The following ATP8A1 variants were observed in gnomAD, a reference collection of about 807,000 sequenced individuals.
ATP8A1 encodes phospholipid-transporting ATPase IA.
A neutral mutation model predicts 177.7 loss-of-function variants in ATP8A1; 90 were observed. That is an observed-to-expected ratio of 0.51 (90% CI 0.43 to 0.60). The LOEUF is 0.60. Among genes scored for constraint, ATP8A1 ranks in the 20% least tolerant of loss-of-function variants. The probability of loss-of-function intolerance (pLI) is 0.00; values close to 1 mark genes in which losing one functional copy is unlikely to be tolerated. For missense variants in ATP8A1, 1,072 were observed against 1,392.8 expected, an observed-to-expected ratio of 0.77 and a Z score of 3.67; for synonymous variants, 493 against 485.9, an observed-to-expected ratio of 1.01 and a Z score of -0.19.
In ATP8A1 at chr4:42,656,976, G is replaced by C. The variant is rs1230144108; in HGVS notation, c.-103C>G. The C allele has an allele frequency of 1.7e-6, 2 of 1,204,624 alleles. No individual in the cohort carries two copies. The highest frequency in any genetic ancestry group is 1.6e-5 in the African/African-American group (1 of 63,388). The allele number at this position is 1,204,624 out of a possible 1,614,324, so 74.6% of individuals were successfully genotyped here. ...GCGCCGCGCAGAGCGCTCAGCTGCA[G>C]CCTGGGCCGCGCCGCCGCCCACCTA... On this transcript the variant is annotated 5_prime_UTR_variant, in exon 1 of 37. Coordinates refer to ENST00000381668, the MANE Select transcript of ATP8A1 (RefSeq NM_006095.2).
chr4:42,442,997 C>T (rs149460693), intron 33 of ATP8A1, among the ~76,000 whole-genome samples: 120 of 152,276 alleles, frequency 7.9e-4, no homozygotes, highest in African/African-American at 2.7e-3. Flanking sequence ...CACCTAATAA[C>T]TCAATTCCTA....
intron 23 of ATP8A1, among the ~76,000 whole-genome samples, chr4:42,504,292 C>T (rs1724143444): frequency 6.6e-6 from 1 of 152,180 alleles, no homozygotes; most frequent in Non-Finnish European, 1.5e-5. Flanking sequence ...CAGACACTTA[C>T]ATAGGAAGTA....
intron 5 of ATP8A1, among the ~76,000 whole-genome samples, chr4:42,606,408 T>G (rs887869617): frequency 8.5e-5 from 13 of 152,188 alleles, no homozygotes; most frequent in African/African-American, 3.1e-4. Flanking sequence ...AAGTTTCCAG[T>G]GGCGTCTTTT....
chr4:42,636,753 TC>T (rs1739435762), intron 1 of ATP8A1, among the ~76,000 whole-genome samples: 1 of 152,046 alleles, frequency 6.6e-6, no homozygotes, highest in African/African-American at 2.4e-5. Flanking sequence ...GGAGAACCCC[TC>T]CCCCAGAGTC....
chr4:42,497,823 T>A (rs1431440634), intron 24 of ATP8A1, among the ~76,000 whole-genome samples: 2 of 152,196 alleles, frequency 1.3e-5, no homozygotes, highest in Non-Finnish European at 2.9e-5. Context: ...TACTAACCCA[T>A]TTATTTCAAA....
chr4:42,464,273 T>C (rs1259888400), intron 27 of ATP8A1, among the ~76,000 whole-genome samples: 3 of 151,330 alleles, frequency 2.0e-5, no homozygotes, highest in African/African-American at 7.3e-5. Flanking sequence ...AACTTTTTTT[T>C]TTTTTTTTTT....
At chr4:42,611,649 G>A (rs1434607633) in intron 5 of ATP8A1, among the ~76,000 whole-genome samples, 1 of 152,070 alleles carries the variant, frequency 6.6e-6, no homozygotes, top group Non-Finnish European at 1.5e-5. Context: ...TTTAGATGAA[G>A]TTGTCATTCC....
At chr4:42,434,369 C>A (rs775792193) in intron 33 of ATP8A1, among the ~76,000 whole-genome samples, 6 of 152,136 alleles carry the variant, frequency 3.9e-5, no homozygotes, top group African/African-American at 1.4e-4. Context: ...AAAGCCATCT[C>A]ATAAAGCATC....
At chr4:42,585,391 T>G (rs1453037471) in intron 9 of ATP8A1, among the ~76,000 whole-genome samples, 1 of 151,460 alleles carries the variant, frequency 6.6e-6, no homozygotes, top group African/African-American at 2.4e-5. Flanking sequence ...TCTGAAAGTT[T>G]GTGTCTCCCC....
At chr4:42,429,717 A>C (rs775483444) in intron 33 of ATP8A1, among the ~76,000 whole-genome samples, 6 of 152,230 alleles carry the variant, frequency 3.9e-5, no homozygotes, top group Non-Finnish European at 8.8e-5. Context: ...CACTATAGCC[A>C]AAGGGTGGAA....
At chr4:42,654,183 T>C (rs1475659686) in intron 1 of ATP8A1, among the ~76,000 whole-genome samples, 2 of 152,224 alleles carry the variant, frequency 1.3e-5, no homozygotes, top group African/African-American at 4.8e-5. Flanking sequence ...AAATGTTCAC[T>C]CAGCAGGCCT....
At chr4:42,469,512 A>G (rs1308369891) in intron 25 of ATP8A1, among the ~76,000 whole-genome samples, 2 of 152,182 alleles carry the variant, frequency 1.3e-5, no homozygotes, top group Non-Finnish European at 2.9e-5. Flanking sequence ...CCTTGCTACA[A>G]GGGGGTTACA....
At chr4:42,586,524 T>C (rs1330923141) in intron 8 of ATP8A1, 48 bp from the exon 9 acceptor site, 2 of 1,580,546 alleles carry the variant, frequency 1.3e-6, no homozygotes, top group East Asian at 2.2e-5. Flanking sequence ...ATAAGTTGTA[T>C]CTGGGCAAAG....
rs1480210845 is a variant in ATP8A1, at chr4:42,435,438, A to AC, written c.3123+8126_3123+8127insG. 1.7e-3 allele frequency among the ~76,000 whole-genome samples: 167 copies of AC among 97,866 alleles called. 2 individuals are homozygous for AC. Among genetic ancestry groups the AC allele is most frequent in the South Asian group, 5.7e-3 (16 of 2,816 alleles). 64.2% of individuals were successfully genotyped at this position (97,866 alleles called of 152,430 possible). ...CGAGACTTCATCTCAAAAAAAAAAA[A>AC]AAAAAAAAAAACAAAAAAAAAAAAA... On this transcript the variant is annotated intron_variant, in intron 33 of 36. Coordinates refer to ENST00000381668, the MANE Select transcript of ATP8A1 (RefSeq NM_006095.2).
At position 42,544,129 on chromosome 4, in the gene ATP8A1, C is replaced by T. The variant is rs561447976; in HGVS notation, c.1653-143G>A. 1.1e-5 allele frequency: 7 copies of T among 649,804 alleles called. 1 individual carries two copies. Among genetic ancestry groups the T allele is most frequent in the African/African-American group, 7.3e-5 (4 of 54,522 alleles). 40.3% of individuals were successfully genotyped at this position (649,804 alleles called of 1,614,324 possible). A position where few individuals can be genotyped will look rare whatever the true frequency, so the allele number is the denominator to read the frequency against. On this transcript the variant is annotated intron_variant, in intron 19 of 36. Transcript: ENST00000381668. Reference sequence around the variant, plus strand: ...AGCCCTAACCTTCCACATACACAAACTATCCCTTGGGTGTACAGCTGGGCA... The same window carrying T: ...AGCCCTAACCTTCCACATACACAAATTATCCCTTGGGTGTACAGCTGGGCA...
intron 35 of ATP8A1, among the ~76,000 whole-genome samples, chr4:42,415,605 T>G (rs1013931989): frequency 6.6e-6 from 1 of 152,198 alleles, no homozygotes; most frequent in Non-Finnish European, 1.5e-5. Flanking sequence ...GTTTTGATAT[T>G]AAAGAACATA....
At chr4:42,466,301 T>C (rs945381272) in intron 25 of ATP8A1, among the ~76,000 whole-genome samples, 1 of 152,220 alleles carries the variant, frequency 6.6e-6, no homozygotes, top group Non-Finnish European at 1.5e-5. Flanking sequence ...ATAATAAATA[T>C]CTGCTAAAAC....
At chr4:42,603,522 G>A (rs1055294181) in intron 5 of ATP8A1, among the ~76,000 whole-genome samples, 80 of 151,986 alleles carry the variant, frequency 5.3e-4, no homozygotes, top group African/African-American at 1.6e-3. Context: ...TTCTCTTTGT[G>A]AACAATGCTG....
At chr4:42,636,156 A>ACGCGCGCGTGCGCGCGCGCG (rs1553920759) in intron 1 of ATP8A1, among the ~76,000 whole-genome samples, 1 of 90,898 alleles carries the variant, frequency 1.1e-5, no homozygotes, top group Non-Finnish European at 2.6e-5. Context: ...ACACACACAC[A>ACGCGCGCGTGCGCGCGCGCG]CGCACACACA....
Sources: allele counts gnomAD v4.1 joint callset (sites outside exome capture counted in the v4.1 genomes callset), GRCh38; gene constraint gnomAD v4.1.1; transcripts MANE v1.5; gene names NCBI Gene and HGNC (gene_info 2026-07-23, HGNC 2026-07-21).